The following ESCO1 variants were observed in gnomAD, a reference collection of about 807,000 sequenced individuals.
ESCO1 encodes establishment of sister chromatid cohesion N-acetyltransferase 1.
Under a neutral mutation model 83.5 loss-of-function variants are expected in ESCO1, and 33 were observed. That is an observed-to-expected ratio of 0.40 (90% CI 0.30 to 0.53). ESCO1 has a LOEUF of 0.53. Among genes scored for constraint, ESCO1 ranks in the 20% least tolerant of loss-of-function variants. ESCO1 has a pLI of 0.63. For missense variants in ESCO1, 855 were observed against 968.0 expected (o/e 0.88, Z 1.55); for synonymous variants, 332 against 324.3 (o/e 1.02, Z -0.25).
At chr18:21,577,007 T>C (rs1180298700) in intron 2 of ESCO1, among the ~76,000 whole-genome samples, 1 of 150,184 alleles carries the variant, frequency 6.7e-6, no homozygotes, top group Non-Finnish European at 1.5e-5. Context: ...CACTCCAGCC[T>C]AGGCGACAGA....
intron 4 of ESCO1, among the ~76,000 whole-genome samples, chr18:21,568,322 C>G (rs1348961493): frequency 2.0e-5 from 3 of 152,068 alleles, no homozygotes; most frequent in Admixed American, 2.0e-4. Flanking sequence ...CAGTGCATGC[C>G]TGTTGTCTCA....
At chr18:21,590,577 T>C (rs2038651406) in intron 1 of ESCO1, among the ~76,000 whole-genome samples, 2 of 152,156 alleles carry the variant, frequency 1.3e-5, no homozygotes, top group East Asian at 3.9e-4. Flanking sequence ...ACAATACAAA[T>C]TTTACTTTAA....
chr18:21,564,000 G>T (rs549206888), intron 7 of ESCO1, among the ~76,000 whole-genome samples: 1 of 151,650 alleles, frequency 6.6e-6, no homozygotes, highest in South Asian at 2.1e-4. Context: ...CTGCACATGA[G>T]CTCACTCCCT....
At chr18:21,542,614 A>G (rs569358679) in intron 8 of ESCO1, among the ~76,000 whole-genome samples, 14 of 152,224 alleles carry the variant, frequency 9.2e-5, no homozygotes, top group Non-Finnish European at 1.9e-4. Context: ...CCTTCTTACT[A>G]GTATCAAACT....
intron 8 of ESCO1, chr18:21,540,506 AG>A: frequency 8.8e-7 from 1 of 1,139,048 alleles, no homozygotes; most frequent in African/African-American, 1.7e-5. Flanking sequence ...CCAGTATGAA[AG>A]GAATAGTCTT....
intron 8 of ESCO1, among the ~76,000 whole-genome samples, chr18:21,541,634 T>TATAGAG (rs2037909566): frequency 6.7e-6 from 1 of 149,520 alleles, no homozygotes; most frequent in Non-Finnish European, 1.5e-5. Context: ...ATCTGAATCA[T>TATAGAG]ATAGAGATCT....
Position 21,530,175 on chromosome 18 carries a change from A to G in ESCO1, c.*168T>C. The G allele has an allele frequency of 2.2e-6, 1 of 445,120 alleles. No homozygotes were observed. The highest frequency in any genetic ancestry group is 3.5e-5 in the East Asian group (1 of 28,342). The allele number at this position is 445,120 out of a possible 1,614,324, so 27.6% of individuals were successfully genotyped here. On this transcript the variant is annotated 3_prime_UTR_variant, in exon 12 of 12. Coordinates refer to ENST00000269214, the MANE Select transcript of ESCO1 (RefSeq NM_052911.3). The stretch of plus-strand genomic sequence containing the variant: ...AATATCTTCTTTAAAAAACAAAACA[A>G]TAAGCTATTACTGCATTGTTTCCAA...
At chr18:21,532,741 G>A in intron 10 of ESCO1, 81 bp from the exon 11 acceptor site, 1 of 1,360,908 alleles carries the variant, frequency 7.3e-7, no homozygotes, top group South Asian at 1.4e-5. Context: ...AGGCGGTTAT[G>A]ACATTTGACT....
intron 4 of ESCO1, 52 bp downstream of exon 4, chr18:21,573,262 T>C: frequency 6.9e-7 from 1 of 1,454,072 alleles, no homozygotes; most frequent in Admixed American, 2.4e-5. Context: ...TAAAGACATT[T>C]CTTACAGAAA....
chr18:21,579,784 A>ACACGCG (rs1376352667), intron 2 of ESCO1, among the ~76,000 whole-genome samples: 20 of 60,196 alleles, frequency 3.3e-4, no homozygotes, highest in African/African-American at 8.3e-4. Flanking sequence ...ACACACACAC[A>ACACGCG]CGCGCGCGCG....
At chr18:21,579,792 G>A (rs867159292) in intron 2 of ESCO1, among the ~76,000 whole-genome samples, 26 of 135,068 alleles carry the variant, frequency 1.9e-4, no homozygotes, top group African/African-American at 6.3e-4. Flanking sequence ...ACACGCGCGC[G>A]CGCACACACA....
At position 21,564,251 on chromosome 18, in the gene ESCO1, G is replaced by C. The variant is rs2146201601; in HGVS notation, c.1773C>G (p.Asp591Glu). The C allele has an allele frequency of 6.2e-7, 1 of 1,611,768 alleles. No individual in the cohort carries two copies. Among genetic ancestry groups the C allele is most frequent in the East Asian group, 2.2e-5 (1 of 44,794 alleles). The change falls in exon 7 of 12, where the codon GAC becomes GAG. Residue 591 changes from aspartate to glutamate, a missense_variant. Transcript: ENST00000269214. ...TTTTCTCTGCTTCTTTTAGTTTCAA[G>C]TCCTTTGGAATTGTTATCTCCAAAT... Reference protein sequence around the residue: ...NSHLEITIPKDLKLKEAEKTD... With the variant: ...NSHLEITIPKELKLKEAEKTD...
chr18:21,565,288 G>A (rs2038244594), intron 6 of ESCO1, among the ~76,000 whole-genome samples: 1 of 152,004 alleles, frequency 6.6e-6, no homozygotes, highest in Non-Finnish European at 1.5e-5. Context: ...AATCCAAAAG[G>A]CAAAATAAGT....
chr18:21,580,071 G>A (rs1159940550), intron 2 of ESCO1, among the ~76,000 whole-genome samples: 5 of 151,292 alleles, frequency 3.3e-5, no homozygotes, highest in Admixed American at 2.0e-4. Flanking sequence ...AATGTTTTTT[G>A]TATTTTTAGT....
chr18:21,535,419 G>A (rs2146168067), intron 10 of ESCO1, among the ~76,000 whole-genome samples: 1 of 147,828 alleles, frequency 6.8e-6, no homozygotes, highest in African/African-American at 2.5e-5. Context: ...CGAGTCTTGT[G>A]TCGCCCAGGC....
At chr18:21,540,529 T>G (rs944252108) in intron 8 of ESCO1, 1 of 1,263,104 alleles carries the variant, frequency 7.9e-7, no homozygotes, top group Non-Finnish European at 1.0e-6. Flanking sequence ...TGCTTATTGA[T>G]CACAACTACC....
chr18:21,560,727 A>T lies in ESCO1; in HGVS notation c.1953+132T>A, dbSNP rs1215461691. On this transcript the variant is annotated intron_variant, in intron 8 of 11. Transcript: ENST00000269214. ...TTTAAAAAGCCAGTATACATACTAC[A>T]CGTGCTTTGTACATATTATTATCTC... 23 of 1,051,682 alleles carry T rather than the reference A, an allele frequency of 2.2e-5. 1 individual carries two copies. The highest frequency in any genetic ancestry group is 3.3e-5 in the African/African-American group (2 of 61,076). The allele number at this position is 1,051,682 out of a possible 1,614,324, so 65.1% of individuals were successfully genotyped here. A position where few individuals can be genotyped will look rare whatever the true frequency, so the allele number is the denominator to read the frequency against.
At chr18:21,543,263 TC>T (rs1159046568) in intron 8 of ESCO1, among the ~76,000 whole-genome samples, 1 of 152,172 alleles carries the variant, frequency 6.6e-6, no homozygotes, top group Non-Finnish European at 1.5e-5. Context: ...CAAGCAATTC[TC>T]CTGCCTCAGC....
intron 4 of ESCO1, among the ~76,000 whole-genome samples, chr18:21,568,610 C>T (rs1269487234): frequency 1.3e-5 from 2 of 152,220 alleles, no homozygotes; most frequent in Admixed American, 1.3e-4. Flanking sequence ...AGATTTTGAA[C>T]TTAAGCACCC....
Sources: gnomAD v4.1 joint callset for allele counts (sites outside exome capture counted in the v4.1 genomes callset) on GRCh38, gnomAD v4.1.1 for gene constraint, MANE v1.5 for transcripts, NCBI Gene and HGNC (gene_info 2026-07-23, HGNC 2026-07-21) for gene names.